The following ADD2 variants were observed in gnomAD, a reference collection of about 807,000 sequenced individuals.
The protein encoded by ADD2 is adducin 2.
Under a neutral mutation model 83.0 loss-of-function variants are expected in ADD2, and 23 were observed. The observed-to-expected ratio is 0.28, with a 90% CI of 0.20 to 0.39. ADD2 has a LOEUF of 0.39. ADD2 is among the 10% of genes least tolerant of loss of function. The pLI is 1.00. For synonymous variants in ADD2, 375 were observed against 375.4 expected (o/e 1.00, Z 0.01); for missense variants, 758 against 944.9 (o/e 0.80, Z 2.59).
intron 1 of ADD2, among the ~76,000 whole-genome samples, chr2:70,721,483 T>C (rs1672726443): frequency 6.6e-6 from 1 of 152,234 alleles, no homozygotes; most frequent in African/African-American, 2.4e-5. Flanking sequence ...AATGCTCCTT[T>C]TGAGTCCTAC....
intron 1 of ADD2, among the ~76,000 whole-genome samples, chr2:70,716,286 A>G (rs3771449): frequency 0.64 from 97,654 of 151,680 alleles, 33,597 homozygotes; most frequent in African/African-American, 0.88. Context: ...CTCAGATGAC[A>G]CCTCTATTCC....
At chr2:70,707,934 C>T (rs1574270793) in intron 2 of ADD2, among the ~76,000 whole-genome samples, 1 of 152,304 alleles carries the variant, frequency 6.6e-6, no homozygotes, top group South Asian at 2.1e-4. Flanking sequence ...GTCCTGGCTC[C>T]CTCCGGCCTT....
chr2:70,730,195 A>AT (rs1476411676), intron 1 of ADD2, among the ~76,000 whole-genome samples: 1 of 152,206 alleles, frequency 6.6e-6, no homozygotes, highest in African/African-American at 2.4e-5. Flanking sequence ...CTGGGATGCT[A>AT]TACATGAGAT....
intron 1 of ADD2, among the ~76,000 whole-genome samples, chr2:70,739,202 C>T (rs1005232850): frequency 6.6e-6 from 1 of 152,006 alleles, no homozygotes; most frequent in African/African-American, 2.4e-5. Flanking sequence ...AGGAAAAAAA[C>T]CCCATTAAAA....
chr2:70,679,009 T>C (rs1199512740), intron 10 of ADD2, 48 bp from the exon 11 acceptor site: 20 of 1,547,188 alleles, frequency 1.3e-5, no homozygotes, highest in Non-Finnish European at 1.6e-5. Context: ...AAAAAAGGCC[T>C]GTACCTGCAC....
chr2:70,748,290 TA>T (rs3836142), intron 1 of ADD2, among the ~76,000 whole-genome samples: 89,339 of 146,588 alleles, frequency 0.61, 27,458 homozygotes, highest in Admixed American at 0.68. Flanking sequence ...CAAACACTGA[TA>T]AAAAAAAAAA....
intron 10 of ADD2, among the ~76,000 whole-genome samples, chr2:70,682,560 G>T (rs1483394857): frequency 6.6e-6 from 1 of 152,110 alleles, no homozygotes; most frequent in Non-Finnish European, 1.5e-5. Context: ...CAGTGAGGAT[G>T]GGAAAAATGA....
In ADD2 at chr2:70,687,522, T is replaced by C. The variant is rs1176103195; in HGVS notation, c.948+502A>G. On this transcript the variant is annotated intron_variant, in intron 9 of 15. Coordinates refer to ENST00000264436, the MANE Select transcript of ADD2 (RefSeq NM_001617.4). ...AAGGCTGCCACGTCAACACTCTGAT[T>C]GGTCTGCTTTCCGCTTCTTTTTCTG... Among the ~76,000 whole-genome samples, 8 of 152,232 alleles carry C rather than the reference T, an allele frequency of 5.3e-5. No individual in the cohort carries two copies. In the East Asian group the frequency reaches 7.7e-4, roughly 15 times the overall value.
intron 8 of ADD2, among the ~76,000 whole-genome samples, chr2:70,688,351 G>A (rs1553370925): frequency 1.3e-5 from 2 of 152,186 alleles, no homozygotes; most frequent in African/African-American, 4.8e-5. Context: ...GGACTAAATA[G>A]CTTGATCAAT....
intron 3 of ADD2, 53 bp from the exon 4 acceptor site, chr2:70,704,512 CA>C: frequency 1.9e-6 from 3 of 1,602,800 alleles, no homozygotes; most frequent in Non-Finnish European, 2.6e-6. Flanking sequence ...CACAGCTGCC[CA>C]ACAATGAGCT....
chr2:70,675,013 C>T, intron 13 of ADD2, 188 bp from the exon 14 acceptor site: 1 of 1,347,150 alleles, frequency 7.4e-7, no homozygotes, highest in Non-Finnish European at 9.5e-7. Flanking sequence ...TACCTTACCC[C>T]TAGATTTTGC....
rs781869077 is a variant in ADD2, at chr2:70,677,875, C to G, written c.1386G>C (p.Trp462Cys). 4 of 1,614,204 alleles carry G rather than the reference C, an allele frequency of 2.5e-6. No individual in the cohort carries two copies. Among genetic ancestry groups the G allele is most frequent in the Non-Finnish European group, 3.4e-6 (4 of 1,180,024 alleles). ...ATTTCTCCACCTCGTCAGCCTTCAT[C>G]CACTGCACAAACACAAGGTCATGGG... ...SMGSPRPKTT[W>C]MKADEVEKSS... Residue 462 changes from tryptophan (W) to cysteine (C), a missense_variant and splice_region_variant, in exon 12 of 16, where the codon TGG becomes TGC. Physicochemically the swap from Trp to Cys is radical, Grantham distance 215. This residue lies in a region of ADD2 where 394 missense variants were observed against 509.3 expected (regional missense o/e 0.77). Coordinates refer to ENST00000264436, the MANE Select transcript of ADD2 (RefSeq NM_001617.4).
At chr2:70,703,804 T>C (rs548488490) in intron 4 of ADD2, among the ~76,000 whole-genome samples, 7 of 152,368 alleles carry the variant, frequency 4.6e-5, no homozygotes, top group African/African-American at 1.2e-4. Context: ...AATAGTAATA[T>C]GAGGGCTTTA....
chr2:70,737,496 G>A (rs535720029), intron 1 of ADD2, among the ~76,000 whole-genome samples: 1 of 146,854 alleles, frequency 6.8e-6, no homozygotes, highest in Non-Finnish European at 1.5e-5. Flanking sequence ...AACACTGCAT[G>A]TTCTCACTCA....
intron 1 of ADD2, among the ~76,000 whole-genome samples, chr2:70,750,490 G>A (rs943207904): frequency 6.6e-6 from 1 of 152,164 alleles, no homozygotes; most frequent in East Asian, 1.9e-4. Context: ...GGAATGGGAA[G>A]ATTTAGTCAT....
chr2:70,735,855 C>CG (rs1673527804), intron 1 of ADD2, among the ~76,000 whole-genome samples: 1 of 115,690 alleles, frequency 8.6e-6, no homozygotes, highest in Non-Finnish European at 1.7e-5. Flanking sequence ...CAGCCATGCC[C>CG]GGCTTTTTTT....
rs200581515 is a variant in ADD2 at position 70,695,723 on chromosome 2, G to C, written c.553C>G (p.Leu185Val). ...VSCSEVTASS[L>V]IKVNILGEVV... Reference sequence around the variant, plus strand: ...CAGTGATGCTGGACTGTACTCACCAGGCTGGACGCTGTGACTTCACTGCAA... The same window carrying C: ...CAGTGATGCTGGACTGTACTCACCACGCTGGACGCTGTGACTTCACTGCAA... Residue 185 changes from leucine (L) to valine (V), a missense_variant and splice_region_variant, in exon 6 of 16, where the codon CTG (leucine) becomes GTG (valine). By Grantham distance (32) the Leu-to-Val change is conservative. Coordinates refer to ENST00000264436, the MANE Select transcript of ADD2 (RefSeq NM_001617.4). 3.1e-6 allele frequency: 5 copies of C among 1,614,026 alleles called. No individual in the cohort carries two copies. Among genetic ancestry groups the C allele is most frequent in the Non-Finnish European group, 3.4e-6 (4 of 1,179,872 alleles).
At position 70,683,723 on chromosome 2, in the gene ADD2, G is replaced by C. The variant is rs781800905; in HGVS notation, c.993C>G (p.Leu331=). The C allele has an allele frequency of 1.9e-5, 30 of 1,614,010 alleles. No homozygotes were observed. The highest frequency in any genetic ancestry group is 2.5e-5 in the Non-Finnish European group (29 of 1,179,990). ...GGGGCCGGTGCTTCTCCTGCTCCAGGAGGATGAGGTTCTCCACTCCCCCGG... is the reference window on the plus strand; with the variant it reads ...GGGGCCGGTGCTTCTCCTGCTCCAGCAGGATGAGGTTCTCCACTCCCCCGG... ...SSAGGVENLI[L]LEQEKHRPHE... Residue 331 remains leucine, a synonymous_variant, in exon 10 of 16, where the codon CTC becomes CTG. Coordinates refer to ENST00000264436, the MANE Select transcript of ADD2 (RefSeq NM_001617.4).
chr2:70,677,706 G>A lies in ADD2; in HGVS notation c.1503+52C>T, dbSNP rs1208082179. On this transcript the variant is annotated intron_variant, in intron 12 of 15. Transcript: ENST00000264436. ...AACTCAGCTCCTGTTTGTGGGACCT[G>A]AGACCCCCCAGTGTGGGAGAAGAAA... 11 of 1,597,780 alleles carry A rather than the reference G, an allele frequency of 6.9e-6. No homozygotes were observed. The South Asian group carries it at 7.8e-5, about 11-fold the overall frequency.
Sources: gnomAD v4.1 joint callset for allele counts (sites outside exome capture counted in the v4.1 genomes callset) on GRCh38, gnomAD v4.1.1 for gene constraint, gnomAD v4.1.1 regional missense constraint, MANE v1.5 for transcripts, NCBI Gene and HGNC (gene_info 2026-07-23, HGNC 2026-07-21) for gene names.